Variants in GOLM2 observed in about 807,000 individuals in gnomAD.
GOLM2 encodes the protein golgi membrane protein 2, also known as protein GOLM2.
GOLM2 carries 26 observed loss-of-function variants against 55.9 expected under a neutral mutation model. That is an observed-to-expected ratio of 0.47 (90% CI 0.34 to 0.65). The LOEUF (loss-of-function observed/expected upper bound fraction) is 0.65. Ranked by LOEUF, GOLM2 falls within the 30% of genes least tolerant of loss-of-function variation. The pLI, the probability that GOLM2 is intolerant of heterozygous loss-of-function variation, is 0.01. For synonymous variants in GOLM2, 165 were observed against 194.6 expected (o/e 0.85, Z 1.27); for missense variants, 486 against 531.8 (o/e 0.91, Z 0.85).
chr15:44,411,563 C>T (rs2141222313), intron 9 of GOLM2, among the ~76,000 whole-genome samples: 1 of 152,158 alleles, frequency 6.6e-6, no homozygotes, highest in African/African-American at 2.4e-5. Context: ...TACTCTACGC[C>T]AGGCGCGGTG....
chr15:44,407,996 C>T (rs1021141150), intron 9 of GOLM2, among the ~76,000 whole-genome samples: 8 of 151,776 alleles, frequency 5.3e-5, no homozygotes, highest in Non-Finnish European at 8.8e-5. Flanking sequence ...ATGATCTGCC[C>T]GCCTCAGCCT....
At chr15:44,355,846 G>A in intron 6 of GOLM2, among the ~76,000 whole-genome samples, 1 of 152,022 alleles carries the variant, frequency 6.6e-6, no homozygotes, top group East Asian at 1.9e-4. Context: ...AATGGGAGGG[G>A]TCTAGAGAGC....
In GOLM2 at chr15:44,289,111, C is replaced by G. The variant is rs867536307; in HGVS notation, c.82C>G (p.Leu28Val). 1.2e-6 allele frequency: 2 copies of G among 1,614,178 alleles called. No homozygotes were observed. Residue 28 changes from leucine (L) to valine (V), a missense_variant, in exon 1 of 10, where the codon CTC (leucine) becomes GTC (valine). By Grantham distance (32) the Leu-to-Val change is conservative. Coordinates refer to ENST00000299957, the MANE Select transcript of GOLM2 (RefSeq NM_138423.4). This position sits in a 1 kb window ranked among gnomAD's most constrained non-coding sequence, Gnocchi z 4.8. The stretch of plus-strand genomic sequence containing the variant: ...GGTGCTGCTGGTGGTGATCGTCGTC[C>G]TCGCCTTCAACTACTGGAGCATCTC... ...LVVLLVVIVVLAFNYWSISSR... is the reference protein window; with the variant it reads ...LVVLLVVIVVVAFNYWSISSR...
chr15:44,394,676 T>A (rs1394803231), intron 8 of GOLM2, among the ~76,000 whole-genome samples: 1 of 152,234 alleles, frequency 6.6e-6, no homozygotes, highest in Non-Finnish European at 1.5e-5. Context: ...TGCAGTAACA[T>A]TTTTGTTACA....
At chr15:44,409,849 GA>G (rs1213165667) in intron 9 of GOLM2, 11 of 151,200 alleles carry the variant, frequency 7.3e-5, no homozygotes, top group African/African-American at 2.7e-4. Context: ...CCGGGAGGCG[GA>G]GGTTGCAATG....
chr15:44,391,967 C>A (rs1234030623), intron 8 of GOLM2, among the ~76,000 whole-genome samples: 2 of 152,138 alleles, frequency 1.3e-5, no homozygotes, highest in African/African-American at 4.8e-5. Flanking sequence ...TCTCCTGCCT[C>A]AGCCTCCCGA....
intron 8 of GOLM2, 52 bp from the exon 9 acceptor site, chr15:44,402,835 C>T (rs2079574282): frequency 6.3e-7 from 1 of 1,585,780 alleles, no homozygotes; most frequent in Non-Finnish European, 8.6e-7. Flanking sequence ...CGTATAGATT[C>T]CTTCTTTTCT....
chr15:44,386,539 CT>C (rs1367078926), intron 8 of GOLM2, among the ~76,000 whole-genome samples: 2 of 152,110 alleles, frequency 1.3e-5, no homozygotes, highest in East Asian at 3.9e-4. Flanking sequence ...ATTGTAGGAT[CT>C]GCTTTTCCAT....
intron 8 of GOLM2, among the ~76,000 whole-genome samples, chr15:44,401,829 CTTT>C (rs754956674): frequency 1.7e-5 from 2 of 119,676 alleles, no homozygotes; most frequent in African/African-American, 3.1e-5. Flanking sequence ...TTCTTGATTT[CTTT>C]TTTTTTTTTT....
chr15:44,381,110 CA>C, intron 8 of GOLM2, 134 bp downstream of exon 8: 1 of 516,800 alleles, frequency 1.9e-6, no homozygotes, highest in Non-Finnish European at 3.0e-6. Flanking sequence ...ATGAAAGTGT[CA>C]AAATTTAAAG....
At chr15:44,323,168 G>A (rs2078962591) in intron 2 of GOLM2, 149 bp downstream of exon 2, 1 of 507,742 alleles carries the variant, frequency 2.0e-6, no homozygotes. Context: ...TTTGCCTTAA[G>A]ATATAATAAA....
At chr15:44,339,797 G>C (rs1378611457) in intron 6 of GOLM2, among the ~76,000 whole-genome samples, 1 of 151,960 alleles carries the variant, frequency 6.6e-6, no homozygotes, top group Non-Finnish European at 1.5e-5. Context: ...ATCATGCCCA[G>C]CTAATTTTAT....
chr15:44,330,772 TCAGTAGTATATTTTCTCAAATG>T (rs1382464910), intron 3 of GOLM2, among the ~76,000 whole-genome samples: 1 of 152,118 alleles, frequency 6.6e-6, no homozygotes, highest in African/African-American at 2.4e-5. Flanking sequence ...CCTTGTTATT[TCAGTAGTATATTTTCTCAAATG>T]TAGAATTCCT....
chr15:44,343,848 A>G (rs933256845), intron 6 of GOLM2, among the ~76,000 whole-genome samples: 61 of 151,724 alleles, frequency 4.0e-4, no homozygotes, highest in African/African-American at 1.4e-3. Context: ...AGAAAAAAAT[A>G]TATATCCTTG....
chr15:44,310,154 G>A (rs985351332), intron 1 of GOLM2, among the ~76,000 whole-genome samples: 5 of 152,088 alleles, frequency 3.3e-5, no homozygotes, highest in African/African-American at 9.7e-5. Context: ...AAAGTACTGG[G>A]ATTACGGGCG....
chr15:44,320,651 G>C (rs183224020), intron 1 of GOLM2, among the ~76,000 whole-genome samples: 7 of 152,020 alleles, frequency 4.6e-5, no homozygotes, highest in African/African-American at 1.7e-4. Context: ...CAGGACTCGG[G>C]GGGGTGAAAA....
intron 6 of GOLM2, among the ~76,000 whole-genome samples, chr15:44,373,325 CG>C (rs1422201868): frequency 6.6e-6 from 1 of 151,690 alleles, no homozygotes; most frequent in Non-Finnish European, 1.5e-5. Context: ...GGCGCAGTGG[CG>C]GGCGCCTGTA....
chr15:44,374,756 G>C, intron 6 of GOLM2, among the ~76,000 whole-genome samples: 1 of 152,098 alleles, frequency 6.6e-6, no homozygotes, highest in African/African-American at 2.4e-5. Flanking sequence ...AGCACTATGG[G>C]GATGGTGCTA....
chr15:44,306,930 G>C (rs540462807), intron 1 of GOLM2, among the ~76,000 whole-genome samples: 2 of 151,992 alleles, frequency 1.3e-5, no homozygotes, highest in African/African-American at 4.8e-5. Flanking sequence ...GCAGTTTGTG[G>C]TGCCCCCAAT....
Sources: allele counts gnomAD v4.1 joint callset (sites outside exome capture counted in the v4.1 genomes callset), GRCh38; gene constraint gnomAD v4.1.1; non-coding constraint Gnocchi (gnomAD v3.1); transcripts MANE v1.5; gene names NCBI Gene and HGNC (gene_info 2026-07-23, HGNC 2026-07-21).